The following SLC38A9 variants were observed in gnomAD, a reference collection of about 807,000 sequenced individuals.
SLC38A9 encodes solute carrier family 38 member 9.
In SLC38A9, 48 loss-of-function variants were observed where a neutral mutation model predicts 62.3. The observed-to-expected ratio is 0.77, with a 90% CI of 0.61 to 0.98. The LOEUF is 0.98. SLC38A9 is among the 50% of genes least tolerant of loss of function. SLC38A9 has a pLI of 0.00. For missense variants in SLC38A9, 541 were observed against 679.8 expected (o/e 0.80, Z 2.27); for synonymous variants, 204 against 227.7 (o/e 0.90, Z 0.94).
At chr5:55,705,026 T>C (rs1757113447) in intron 2 of SLC38A9, among the ~76,000 whole-genome samples, 1 of 152,160 alleles carries the variant, frequency 6.6e-6, no homozygotes, top group Admixed American at 6.5e-5. Flanking sequence ...TGTTTAAAAC[T>C]AGAAAAATTA....
Position 55,681,687 on chromosome 5 carries a change from C to A in SLC38A9, c.114-8992G>T, listed in dbSNP as rs117663468. Among the ~76,000 whole-genome samples, 504 of 152,266 alleles carry A rather than the reference C, an allele frequency of 3.3e-3. 7 individuals are homozygous for A. In the East Asian group the frequency reaches 0.037, roughly 11 times the overall value. The stretch of plus-strand genomic sequence containing the variant: ...AGCCTGACCTTTTTATTAACTTCCT[C>A]AGAAACAAGGCAAGAGGTATCCCTA... On this transcript the variant is annotated intron_variant, in intron 3 of 15. Coordinates refer to ENST00000396865, the MANE Select transcript of SLC38A9 (RefSeq NM_173514.4).
At chr5:55,688,990 C>A (rs112842351) in intron 3 of SLC38A9, among the ~76,000 whole-genome samples, 3 of 25,416 alleles carry the variant, frequency 1.2e-4, no homozygotes, top group African/African-American at 2.7e-4. Context: ...AATAAAAAAG[C>A]AGAAGTTTTG....
At chr5:55,663,365 A>T (rs1749950492) in intron 8 of SLC38A9, among the ~76,000 whole-genome samples, 1 of 151,598 alleles carries the variant, frequency 6.6e-6, no homozygotes, top group Non-Finnish European at 1.5e-5. Flanking sequence ...ACAAAAACTC[A>T]TTAGTCAGTA....
intron 2 of SLC38A9, among the ~76,000 whole-genome samples, chr5:55,705,439 C>CCAAA (rs751615546): frequency 1.6e-5 from 2 of 125,656 alleles, no homozygotes; most frequent in Non-Finnish European, 3.3e-5. Flanking sequence ...CTTCATATTA[C>CCAAA]AAAAAAAAAA....
At position 55,633,893 on chromosome 5, in the gene SLC38A9, C is replaced by T. The variant is rs1381358277; in HGVS notation, c.1291G>A (p.Asp431Asn). Residue 431 changes from aspartate to asparagine, a missense_variant, in exon 14 of 16, where the codon GAC becomes AAC. By Grantham distance (23) the Asp-to-Asn change is conservative. Coordinates refer to ENST00000396865, the MANE Select transcript of SLC38A9 (RefSeq NM_173514.4). Reference protein sequence around the residue: ...SKDCIEQNFLDNFPSSDTLSF... With the variant: ...SKDCIEQNFLNNFPSSDTLSF... ...AGGGTGTCACTGCTAGGGAAGTTGT[C>T]TAAAAAATTCTAATCCAAGAAAGAT... 2 of 1,599,148 alleles carry T rather than the reference C, an allele frequency of 1.3e-6. No individual in the cohort carries two copies. Among genetic ancestry groups the T allele is most frequent in the East Asian group, 4.5e-5 (2 of 44,582 alleles).
At chr5:55,645,639 G>T in intron 12 of SLC38A9, 150 bp downstream of exon 12, 1 of 621,164 alleles carries the variant, frequency 1.6e-6, no homozygotes, top group South Asian at 2.0e-5. Context: ...AGAAAAATTT[G>T]CTGACGACTG....
intron 2 of SLC38A9, among the ~76,000 whole-genome samples, chr5:55,710,488 C>T (rs1468513939): frequency 1.3e-5 from 2 of 152,166 alleles, no homozygotes; most frequent in East Asian, 1.9e-4. Flanking sequence ...GGATTACAGG[C>T]GTTAGCCACC....
At chr5:55,691,356 A>G (rs1002436993) in intron 3 of SLC38A9, 24 of 1,422,142 alleles carry the variant, frequency 1.7e-5, no homozygotes, top group Non-Finnish European at 1.8e-5. Context: ...TGGTTTACAA[A>G]GAATTGCCTA....
At chr5:55,627,811 T>A in intron 15 of SLC38A9, 80 bp downstream of exon 15, 2 of 864,420 alleles carry the variant, frequency 2.3e-6, no homozygotes, top group Non-Finnish European at 3.7e-6. Context: ...ACAATTAAAT[T>A]AAAACAACAA....
chr5:55,669,355 T>A, intron 6 of SLC38A9, 34 bp from the exon 7 acceptor site: 1 of 1,532,150 alleles, frequency 6.5e-7, no homozygotes, highest in Non-Finnish European at 9.0e-7. Context: ...ACAGCATATA[T>A]CATCATGTAA....
chr5:55,653,919 A>G (rs1747964369), intron 9 of SLC38A9, among the ~76,000 whole-genome samples: 1 of 152,176 alleles, frequency 6.6e-6, no homozygotes, highest in Non-Finnish European at 1.5e-5. Flanking sequence ...GGCCTCCCAA[A>G]GTGCTGGGAT....
At chr5:55,691,060 G>A (rs2150534025) in intron 3 of SLC38A9, 2 of 643,286 alleles carry the variant, frequency 3.1e-6, no homozygotes, top group Middle Eastern at 2.5e-4. Context: ...AAAAAAGAGT[G>A]CCACAGCATA....
intron 12 of SLC38A9, among the ~76,000 whole-genome samples, chr5:55,641,500 T>C (rs1745442290): frequency 6.6e-6 from 1 of 152,256 alleles, no homozygotes; most frequent in African/African-American, 2.4e-5. Flanking sequence ...TAAGTTTCTC[T>C]AGCTGCATAT....
chr5:55,635,056 T>G (rs2150057965), intron 13 of SLC38A9: 1 of 153,100 alleles, frequency 6.5e-6, no homozygotes, highest in East Asian at 1.9e-4. Context: ...TTTTTTTGTT[T>G]TGCTGCCTGT....
At chr5:55,687,455 T>A (rs1754077020) in intron 3 of SLC38A9, among the ~76,000 whole-genome samples, 1 of 150,556 alleles carries the variant, frequency 6.6e-6, no homozygotes, top group Admixed American at 6.6e-5. Context: ...AAAAAAAGTT[T>A]TTTCTAGTTC....
At chr5:55,654,091 T>C (rs910742132) in intron 9 of SLC38A9, among the ~76,000 whole-genome samples, 1 of 152,240 alleles carries the variant, frequency 6.6e-6, no homozygotes, top group Non-Finnish European at 1.5e-5. Context: ...AAAGAACTCT[T>C]AATGCAGGTA....
intron 2 of SLC38A9, among the ~76,000 whole-genome samples, chr5:55,699,114 G>C (rs970662460): frequency 6.6e-6 from 1 of 152,082 alleles, no homozygotes. Context: ...AAATAGCCAG[G>C]CATGGTGGCA....
intron 7 of SLC38A9, among the ~76,000 whole-genome samples, chr5:55,666,645 C>T (rs1334685152): frequency 6.6e-6 from 1 of 152,196 alleles, no homozygotes; most frequent in East Asian, 1.9e-4. Flanking sequence ...GTAATCCCAG[C>T]ACTTCGGGAG....
intron 3 of SLC38A9, among the ~76,000 whole-genome samples, chr5:55,686,536 T>C (rs962294327): frequency 3.2e-4 from 49 of 152,224 alleles, no homozygotes; most frequent in Admixed American, 3.2e-3. Flanking sequence ...GTCAGATACA[T>C]AGTTCGCAAA....
Sources: allele counts gnomAD v4.1 joint callset (sites outside exome capture counted in the v4.1 genomes callset), GRCh38; gene constraint gnomAD v4.1.1; transcripts MANE v1.5; gene names NCBI Gene and HGNC (gene_info 2026-07-23, HGNC 2026-07-21).